Variants in PCDH15 observed in about 807,000 individuals in gnomAD.
The protein encoded by PCDH15 is protocadherin-15.
PCDH15 carries 129 observed loss-of-function variants against 178.5 expected under a neutral mutation model. The observed-to-expected ratio is 0.72, with a 90% confidence interval of 0.63 to 0.84. PCDH15 has a LOEUF of 0.84. Ranked by LOEUF, PCDH15 falls within the 40% of genes least tolerant of loss-of-function variation. The pLI is 0.00. For synonymous variants in PCDH15, 800 were observed against 732.0 expected (o/e 1.09, Z -1.50); for missense variants, 2,230 against 2,099.9 (o/e 1.06, Z -1.21).
At chr10:54,902,007 T>C (rs898060688) in intron 2 of PCDH15, among the ~76,000 whole-genome samples, 1 of 150,714 alleles carries the variant, frequency 6.6e-6, no homozygotes, top group Non-Finnish European at 1.5e-5. Flanking sequence ...ATTCAAATGA[T>C]TTTTTTTTGC....
chr10:55,511,715 G>A (rs1217449327), intron 2 of PCDH15, among the ~76,000 whole-genome samples: 2 of 151,942 alleles, frequency 1.3e-5, no homozygotes, highest in African/African-American at 4.8e-5. Context: ...CTTTTATTAA[G>A]CCCAAATTCA....
chr10:54,625,636 G>T (rs2134554784), intron 2 of PCDH15, among the ~76,000 whole-genome samples: 1 of 152,252 alleles, frequency 6.6e-6, no homozygotes, highest in South Asian at 2.1e-4. Flanking sequence ...TGATTGTGAG[G>T]CTTCCCCAGC....
chr10:55,075,486 T>C (rs1424412596), intron 2 of PCDH15, among the ~76,000 whole-genome samples: 1 of 151,412 alleles, frequency 6.6e-6, no homozygotes, highest in African/African-American at 2.4e-5. Flanking sequence ...CAGCCTCAGC[T>C]TCCCAAATAG....
intron 1 of PCDH15, among the ~76,000 whole-genome samples, chr10:55,278,051 T>A (rs758496139): frequency 6.6e-5 from 10 of 152,136 alleles, no homozygotes; most frequent in Non-Finnish European, 1.3e-4. Flanking sequence ...GGTACTTGTC[T>A]GAATGGACAG....
At chr10:54,946,122 A>C (rs1328206962) in intron 2 of PCDH15, among the ~76,000 whole-genome samples, 2 of 151,828 alleles carry the variant, frequency 1.3e-5, no homozygotes, top group East Asian at 3.9e-4. Flanking sequence ...TTACACTAAG[A>C]TGAATCTGTT....
chr10:55,094,595 T>A (rs1842402384), intron 2 of PCDH15, among the ~76,000 whole-genome samples: 1 of 151,866 alleles, frequency 6.6e-6, no homozygotes, highest in Non-Finnish European at 1.5e-5. Context: ...AATAAGTAAG[T>A]TTTTTATTAC....
At chr10:55,123,056 A>G (rs1008745309) in intron 2 of PCDH15, among the ~76,000 whole-genome samples, 4 of 152,102 alleles carry the variant, frequency 2.6e-5, no homozygotes, top group Non-Finnish European at 5.9e-5. Flanking sequence ...GGCATGGAAC[A>G]TGGAAAAAGG....
At chr10:55,355,713 G>T (rs1377097987) in intron 2 of PCDH15, among the ~76,000 whole-genome samples, 1 of 151,804 alleles carries the variant, frequency 6.6e-6, no homozygotes, top group Non-Finnish European at 1.5e-5. Context: ...TCTTAATAGT[G>T]CCATTCACAT....
rs766263258 is a variant in PCDH15 at position 54,185,281 on chromosome 10, AT to A, written c.1306-14del. On this transcript the variant is annotated splice_polypyrimidine_tract_variant and intron_variant, in intron 11 of 37. Coordinates refer to ENST00000644397, the MANE Select transcript of PCDH15 (RefSeq NM_001384140.1). Reference sequence around the variant, plus strand: ...CTGGGTCTTTTGTCTTTGAAAAAAAATGACATCGTTTCAAACGTTGAATAAA... The same window carrying A: ...CTGGGTCTTTTGTCTTTGAAAAAAAAGACATCGTTTCAAACGTTGAATAAA... The A allele has an allele frequency of 4.3e-6, 7 of 1,613,324 alleles. No homozygotes were observed. In the South Asian group the frequency reaches 7.7e-5, roughly 18 times the overall value.
rs140876972 is a variant in PCDH15, at chr10:54,921,323, A to T, written c.-79-23823T>A. The stretch of plus-strand genomic sequence containing the variant: ...ACTTTTATTATTTTTATTTTTATTT[A>T]TTTTTTTTTACTTTTTAACTTTTAA... On this transcript the variant is annotated intron_variant, in intron 2 of 5. Transcript: ENST00000458638. Among the ~76,000 whole-genome samples the T allele has an allele frequency of 9.5e-3, 1,223 of 129,114 alleles. 11 individuals carry two copies. Among genetic ancestry groups the T allele is most frequent in the African/African-American group, 0.03 (1,161 of 38,152 alleles). 84.7% of individuals were successfully genotyped at this position (129,114 alleles called of 152,430 possible).
intron 25 of PCDH15, among the ~76,000 whole-genome samples, chr10:53,916,897 G>A (rs1443385227): frequency 6.6e-6 from 1 of 151,568 alleles, no homozygotes. Flanking sequence ...CTCAAGGCAG[G>A]AGGGAGAAAA....
At chr10:53,810,242 T>C (rs1338141806) in intron 37 of PCDH15, among the ~76,000 whole-genome samples, 1 of 152,184 alleles carries the variant, frequency 6.6e-6, no homozygotes, top group Admixed American at 6.5e-5. Flanking sequence ...AACCTTTGTA[T>C]TGCAGAACTT....
intron 1 of PCDH15, among the ~76,000 whole-genome samples, chr10:55,170,897 A>G (rs987141822): frequency 6.6e-6 from 1 of 152,168 alleles, no homozygotes; most frequent in Non-Finnish European, 1.5e-5. Flanking sequence ...AAAGAAAAAA[A>G]GAAAAAGAAA....
intron 1 of PCDH15, among the ~76,000 whole-genome samples, chr10:55,169,535 G>A (rs1809957072): frequency 6.6e-6 from 1 of 152,068 alleles, no homozygotes; most frequent in Non-Finnish European, 1.5e-5. Context: ...AACCAAACCT[G>A]AATAATCAAT....
chr10:54,503,264 T>TGTGTGAGA (rs35648214), intron 3 of PCDH15, among the ~76,000 whole-genome samples: 4,503 of 137,338 alleles, frequency 0.033, 84 homozygotes, highest in Middle Eastern at 0.051. Context: ...TGTGTGTGTG[T>TGTGTGAGA]GATTATATAT....
intron 2 of PCDH15, among the ~76,000 whole-genome samples, chr10:54,914,222 G>T (rs1229717202): frequency 6.6e-6 from 1 of 152,104 alleles, no homozygotes; most frequent in Admixed American, 6.6e-5. Context: ...GAAGTGATTG[G>T]ATCGGGAGGG....
At chr10:54,839,285 A>G (rs1395934592) in intron 3 of PCDH15, among the ~76,000 whole-genome samples, 1 of 152,154 alleles carries the variant, frequency 6.6e-6, no homozygotes, top group Admixed American at 6.6e-5. Context: ...AAAACAATCC[A>G]TAAGAAATAG....
intron 32 of PCDH15, chr10:53,821,924 CTTGTTTTGTTCAGATGTGATT>C: frequency 6.2e-7 from 1 of 1,613,666 alleles, no homozygotes; most frequent in Non-Finnish European, 8.5e-7. Flanking sequence ...TCAAACTCCC[CTTGTTTTGTTCAGATGTGATT>C]TCCATATTTG....
intron 2 of PCDH15, among the ~76,000 whole-genome samples, chr10:55,115,709 G>C (rs2132060689): frequency 6.6e-6 from 1 of 152,204 alleles, no homozygotes; most frequent in South Asian, 2.1e-4. Flanking sequence ...TGCTGCTACA[G>C]TTTCATCTTC....
Sources: allele counts gnomAD v4.1 joint callset (sites outside exome capture counted in the v4.1 genomes callset), GRCh38; gene constraint gnomAD v4.1.1; transcripts MANE v1.5; gene names NCBI Gene and HGNC (gene_info 2026-07-23, HGNC 2026-07-21).